The following SCNN1B variants were observed in gnomAD, a reference collection of about 807,000 sequenced individuals.
SCNN1B encodes the protein sodium channel epithelial 1 subunit beta, also known as epithelial sodium channel subunit beta.
Under a neutral mutation model 65.3 loss-of-function variants are expected in SCNN1B, and 46 were observed. The ratio of observed to expected loss-of-function variants is 0.70; its 90% CI spans 0.56 to 0.90. The LOEUF is 0.90. SCNN1B is among the 40% of genes least tolerant of loss of function. The probability of loss-of-function intolerance (pLI) is 0.00; values close to 1 mark genes in which losing one functional copy is unlikely to be tolerated. For synonymous variants in SCNN1B, 349 were observed against 330.6 expected (o/e 1.06, Z -0.60); for missense variants, 751 against 830.5 (o/e 0.90, Z 1.18).
chr16:23,329,041 C>A (rs1342267947), intron 1 of SCNN1B, among the ~76,000 whole-genome samples: 2 of 152,064 alleles, frequency 1.3e-5, no homozygotes, highest in African/African-American at 4.8e-5. Context: ...CTCAAGCGAT[C>A]TTCCAACCTC....
intron 1 of SCNN1B, among the ~76,000 whole-genome samples, chr16:23,319,184 G>A (rs12444632): frequency 0.2 from 29,880 of 151,982 alleles, 3,316 homozygotes; most frequent in Middle Eastern, 0.33. Context: ...GGGACTACAG[G>A]CCTGTGCCAC....
chr16:23,298,567 GCCT>G (rs1443485945), upstream of SCNN1B, among the ~76,000 whole-genome samples: 1 of 152,178 alleles, frequency 6.6e-6, no homozygotes, highest in Non-Finnish European at 1.5e-5. Flanking sequence ...TGCTGTTGGT[GCCT>G]CTTCCGTGTT....
At chr16:23,366,415 A>G (rs1478985795) in intron 4 of SCNN1B, among the ~76,000 whole-genome samples, 2 of 152,216 alleles carry the variant, frequency 1.3e-5, no homozygotes, top group African/African-American at 4.8e-5. Context: ...ATAGGGTCTC[A>G]ATTCGTTGGC....
intron 1 of SCNN1B, among the ~76,000 whole-genome samples, chr16:23,317,854 G>T (rs1199920490): frequency 1.3e-5 from 2 of 152,208 alleles, no homozygotes; most frequent in East Asian, 3.8e-4. Context: ...CAACTCCAGG[G>T]ATGTCATTGT....
chr16:23,299,119 G>A (rs575718858), upstream of SCNN1B, among the ~76,000 whole-genome samples: 10 of 149,638 alleles, frequency 6.7e-5, no homozygotes, highest in Admixed American at 1.3e-4. Flanking sequence ...GAGTGCAGTG[G>A]CACAATCTTG....
rs545894376 is a variant in SCNN1B, at chr16:23,286,236, T to C, written n.178+2432T>C. 1.6e-4 allele frequency among the ~76,000 whole-genome samples: 24 copies of C among 152,304 alleles called. 1 individual carries two copies. The South Asian group carries it at 4.8e-3, about 30-fold the overall frequency. ...ACAAATGTCAAAGGAATGAGAGCAT[T>C]AGAACTTTGCAACTCCGAACAAAAT... On this transcript the variant is annotated intron_variant and non_coding_transcript_variant, in intron 2 of 3. Coordinates refer to the SCNN1B transcript ENST00000569789.
At position 23,371,900 on chromosome 16, in the gene SCNN1B, C is replaced by T. The variant is rs370595048; in HGVS notation, c.1152+17C>T. The T allele has an allele frequency of 5.8e-5, 92 of 1,577,050 alleles. No homozygotes were observed. Among genetic ancestry groups the T allele is most frequent in the East Asian group, 3.6e-4 (16 of 44,682 alleles). On this transcript the variant is annotated intron_variant, in intron 7 of 12. Coordinates refer to ENST00000343070, the MANE Select transcript of SCNN1B (RefSeq NM_000336.3). ...TCCATCCAGGTGGGAAGGTGGTGCA[C>T]GCCTCATGCCCCGGGGCCCCTGTCC...
intron 4 of SCNN1B, among the ~76,000 whole-genome samples, chr16:23,360,895 T>C (rs1378596334): frequency 6.6e-6 from 1 of 151,808 alleles, no homozygotes; most frequent in Non-Finnish European, 1.5e-5. Context: ...CCCGGGTTCA[T>C]ACCATTCTCC....
Position 23,363,859 on chromosome 16 carries a change from A to T in SCNN1B, c.777-3997A>T, listed in dbSNP as rs1157065582. Among the ~76,000 whole-genome samples, 3 of 150,866 alleles carry T rather than the reference A, an allele frequency of 2.0e-5. No homozygotes were observed. In the East Asian group the frequency reaches 5.9e-4, roughly 30 times the overall value. On this transcript the variant is annotated intron_variant, in intron 4 of 12. Coordinates refer to ENST00000343070, the MANE Select transcript of SCNN1B (RefSeq NM_000336.3). ...CTGATTTCAGATTCTGATGTATCTG[A>T]TAAAGAAGATAATCAACTGGTTGAA...
At chr16:23,336,464 C>T (rs945484719) in intron 1 of SCNN1B, among the ~76,000 whole-genome samples, 8 of 151,792 alleles carry the variant, frequency 5.3e-5, no homozygotes, top group African/African-American at 9.7e-5. Flanking sequence ...CTTCCCCTCC[C>T]GGGTTCAAGC....
intron 1 of SCNN1B, chr16:23,278,457 G>A (rs1265657009): frequency 6.6e-6 from 1 of 152,124 alleles, no homozygotes; most frequent in African/African-American, 2.4e-5. Context: ...CTGTCACCCA[G>A]GCTGGATAGC....
At chr16:23,353,202 T>C in intron 3 of SCNN1B, 128 bp downstream of exon 3, 1 of 1,154,306 alleles carries the variant, frequency 8.7e-7, no homozygotes, top group South Asian at 1.3e-5. Context: ...CTGTTTTGCT[T>C]GTTTGCAGAG....
rs1449698696 is a variant in SCNN1B, at chr16:23,375,765, C to A, written c.1180C>A (p.His394Asn). 5.0e-6 allele frequency: 8 copies of A among 1,614,146 alleles called. No homozygotes were observed. Among genetic ancestry groups the A allele is most frequent in the Non-Finnish European group, 6.8e-6 (8 of 1,179,976 alleles). ...CTGTCTTCGCTCCTGCTTCCAAGAC[C>A]ACATGATCCGTAACTGCAACTGTGG... ...QACLRSCFQD[H>N]MIRNCNCGHY... The change falls in exon 8 of 13, where the codon CAC becomes AAC. Residue 394 changes from histidine (H) to asparagine (N), a missense_variant. By Grantham distance (68) the His-to-Asn change is moderately conservative. Transcript: ENST00000343070.
At chr16:23,292,843 A>G (rs1960945403) in intron 2 of SCNN1B, among the ~76,000 whole-genome samples, 1 of 149,410 alleles carries the variant, frequency 6.7e-6, no homozygotes, top group Non-Finnish European at 1.5e-5. Context: ...GTTTGGGTGC[A>G]GTGGCTCACG....
At chr16:23,321,936 G>A (rs564061164) in intron 1 of SCNN1B, among the ~76,000 whole-genome samples, 1 of 152,190 alleles carries the variant, frequency 6.6e-6, no homozygotes, top group Admixed American at 6.5e-5. Flanking sequence ...AAGGTGGAAG[G>A]ATCGCTTGAG....
At chr16:23,285,236 G>T (rs1391018684) in intron 2 of SCNN1B, among the ~76,000 whole-genome samples, 2 of 152,158 alleles carry the variant, frequency 1.3e-5, no homozygotes, top group Non-Finnish European at 2.9e-5. Flanking sequence ...GCCATGATGT[G>T]ATCATTGCTC....
At chr16:23,289,864 C>T (rs1022408591) in intron 2 of SCNN1B, among the ~76,000 whole-genome samples, 4 of 151,668 alleles carry the variant, frequency 2.6e-5, no homozygotes, top group East Asian at 1.9e-4. Context: ...TTAGTAGAGA[C>T]GGGGTTTCAC....
At chr16:23,287,368 G>A (rs1266096583) in intron 2 of SCNN1B, among the ~76,000 whole-genome samples, 3 of 152,020 alleles carry the variant, frequency 2.0e-5, no homozygotes, top group Admixed American at 1.3e-4. Flanking sequence ...CATTGACTGG[G>A]TCTCGGTTTA....
upstream of SCNN1B, among the ~76,000 whole-genome samples, chr16:23,298,983 C>T (rs1961035381): frequency 6.6e-6 from 1 of 151,966 alleles, no homozygotes; most frequent in African/African-American, 2.4e-5. Flanking sequence ...CAAAAGAAAA[C>T]CTTCAAAAAT....
Sources: allele counts gnomAD v4.1 joint callset (sites outside exome capture counted in the v4.1 genomes callset), GRCh38; gene constraint gnomAD v4.1.1; transcripts MANE v1.5; gene names NCBI Gene and HGNC (gene_info 2026-07-23, HGNC 2026-07-21).